The following MAP3K15 variants were observed in gnomAD, a reference collection of about 807,000 sequenced individuals.
MAP3K15 encodes the protein MAPK/ERK kinase kinase 15.
A neutral mutation model predicts 99.5 loss-of-function variants in MAP3K15; 124 were observed. The observed-to-expected ratio is 1.25, with a 90% CI of 1.08 to 1.45. The LOEUF (loss-of-function observed/expected upper bound fraction) is 1.45. MAP3K15 is among the 40% of genes most tolerant of loss of function. The pLI, the probability that MAP3K15 is intolerant of heterozygous loss-of-function variation, is 0.00. For missense variants in MAP3K15, 1,242 were observed against 1,079.7 expected, an observed-to-expected ratio of 1.15 and a Z score of -2.11; for synonymous variants, 494 against 439.6, an observed-to-expected ratio of 1.12 and a Z score of -1.55.
chrX:19,464,455 G>A (rs1216635009), intron 3 of MAP3K15, 49 bp from the exon 4 acceptor site: 2 of 1,037,274 alleles, frequency 1.9e-6, no homozygotes, highest in African/African-American at 3.6e-5. Context: ...ATGTGGAAGT[G>A]TAGGCTCTGG....
chrX:19,392,314 C>T, intron 17 of MAP3K15, 29 bp downstream of exon 17: 8 of 1,195,239 alleles, frequency 6.7e-6, no homozygotes, highest in Non-Finnish European at 9.0e-6. Context: ...CGAGCAAAGG[C>T]AACCTCGTCA....
chrX:19,415,743 G>C (rs1366817543), intron 9 of MAP3K15, among the ~76,000 whole-genome samples: 2 of 110,749 alleles, frequency 1.8e-5, no homozygotes, highest in African/African-American at 6.6e-5. Flanking sequence ...GAAAAAGCTA[G>C]GTATGCCATG....
rs780257260 is a variant in MAP3K15 at position 19,364,809 on chromosome X, C to T, written c.3567-1959G>A. ...TTGGGAGGCTGAGGCAGGAGAATCG[C>T]TTTAACCTGGGAGGCAGAGGTTGCG... On this transcript the variant is annotated intron_variant, in intron 25 of 28. Coordinates refer to ENST00000338883, the MANE Select transcript of MAP3K15 (RefSeq NM_001001671.4). Among the ~76,000 whole-genome samples, 4 of 106,230 alleles carry T rather than the reference C, an allele frequency of 3.8e-5. No individual in the cohort carries two copies. The South Asian group carries it at 1.7e-3, about 45-fold the overall frequency. 92.2% of individuals were successfully genotyped at this position (106,230 alleles called of 115,157 possible). A position where few individuals can be genotyped will look rare whatever the true frequency, so the allele number is the denominator to read the frequency against.
chrX:19,388,424 G>T (rs755384082), intron 18 of MAP3K15, among the ~76,000 whole-genome samples: 25 of 112,223 alleles, frequency 2.2e-4, no homozygotes, highest in Non-Finnish European at 4.5e-4. Flanking sequence ...TACACCCTTT[G>T]AGTCCAATGG....
chrX:19,386,285 G>A (rs1212594437), intron 18 of MAP3K15, among the ~76,000 whole-genome samples: 4 of 111,053 alleles, frequency 3.6e-5, no homozygotes, highest in East Asian at 2.8e-4. Context: ...GTGAAACCCC[G>A]TCTCTACTAA....
intron 10 of MAP3K15, chrX:19,414,201 AG>A (rs1417791513): frequency 1.8e-5 from 2 of 109,225 alleles, no homozygotes; most frequent in Non-Finnish European, 3.8e-5. Context: ...TGAGATGAGG[AG>A]GGAGAGAGGG....
intron 1 of MAP3K15, among the ~76,000 whole-genome samples, chrX:19,494,517 T>C (rs1478368496): frequency 1.8e-5 from 2 of 111,899 alleles, no homozygotes; most frequent in Non-Finnish European, 3.8e-5. Flanking sequence ...TTGAACACTA[T>C]CTTGAATACT....
intron 12 of MAP3K15, among the ~76,000 whole-genome samples, chrX:19,409,260 A>T (rs992799731): frequency 9.0e-6 from 1 of 111,570 alleles, no homozygotes; most frequent in African/African-American, 3.3e-5. Flanking sequence ...ATTTGAAGAA[A>T]ATAGGGAAGA....
Position 19,380,117 on chromosome X carries a change from T to C in MAP3K15, c.2589+3A>G, listed in dbSNP as rs1255201281. On this transcript the variant is annotated splice_donor_region_variant and intron_variant, in intron 19 of 28. Coordinates refer to ENST00000338883, the MANE Select transcript of MAP3K15 (RefSeq NM_001001671.4). ...CCAACCTCAATCACGAAGCATGACT[T>C]ACTTTGAACATGGCTGCCTGCGGCT... 8.5e-7 allele frequency: 1 copy of C among 1,178,146 alleles called. No individual in the cohort carries two copies. Among genetic ancestry groups the C allele is most frequent in the African/African-American group, 1.8e-5 (1 of 55,803 alleles).
chrX:19,400,575 C>T lies in MAP3K15; in HGVS notation c.1932+1G>A. On this transcript the variant is annotated splice_donor_variant, in intron 14 of 28. Transcript: ENST00000338883. LOFTEE classifies it high-confidence loss of function. ...CATATTCTAGATCGTCCATGACTCA[C>T]CTCCAAGGTGTCTCCATCGGTCTCT... 1 of 1,188,041 alleles carries T rather than the reference C, an allele frequency of 8.4e-7. No individual in the cohort carries two copies.
At chrX:19,512,470 G>A (rs1341140894) in intron 1 of MAP3K15, among the ~76,000 whole-genome samples, 1 of 110,942 alleles carries the variant, frequency 9.0e-6, no homozygotes, top group Non-Finnish European at 1.9e-5. Context: ...TGCCTACGGA[G>A]CATGCATTTA....
chrX:19,385,822 G>C (rs1431222361), intron 18 of MAP3K15, among the ~76,000 whole-genome samples: 1 of 110,998 alleles, frequency 9.0e-6, no homozygotes, highest in African/African-American at 3.3e-5. Context: ...GAAAAAAAAA[G>C]CTGCCTGAAT....
chrX:19,479,988 A>T, intron 3 of MAP3K15, among the ~76,000 whole-genome samples: 1 of 112,504 alleles, frequency 8.9e-6, no homozygotes, highest in East Asian at 2.8e-4. Flanking sequence ...GTGTTTTTTT[A>T]AAGTCAACCT....
In MAP3K15 at chrX:19,453,371, G is replaced by A. The variant is rs184217855; in HGVS notation, c.995+3542C>T. On this transcript the variant is annotated intron_variant, in intron 6 of 28. Coordinates refer to ENST00000338883, the MANE Select transcript of MAP3K15 (RefSeq NM_001001671.4). ...AAATATTAGCCAGGCGTGGTGATGCGCACCTGTAATCCCAGCTACTCAGGG... is the reference window on the plus strand; with the variant it reads ...AAATATTAGCCAGGCGTGGTGATGCACACCTGTAATCCCAGCTACTCAGGG... Among the ~76,000 whole-genome samples, 186 of 109,205 alleles carry A rather than the reference G, an allele frequency of 1.7e-3. 2 individuals are homozygous for A. Among genetic ancestry groups the A allele is most frequent in the African/African-American group, 4.9e-3 (147 of 29,978 alleles). 94.8% of individuals were successfully genotyped at this position (109,205 alleles called of 115,157 possible).
intron 3 of MAP3K15, among the ~76,000 whole-genome samples, chrX:19,484,533 G>A (rs999951570): frequency 8.9e-6 from 1 of 111,802 alleles, no homozygotes; most frequent in African/African-American, 3.3e-5. Context: ...AGAATGTTAA[G>A]GAATTCCTGG....
At chrX:19,489,002 G>C in intron 1 of MAP3K15, 35 bp from the exon 2 acceptor site, 2 of 1,176,088 alleles carry the variant, frequency 1.7e-6, no homozygotes, top group Non-Finnish European at 2.3e-6. Flanking sequence ...GATTAGGGGA[G>C]ATGATCTGTC....
intron 3 of MAP3K15, among the ~76,000 whole-genome samples, chrX:19,483,669 G>A (rs1465222190): frequency 9.0e-6 from 1 of 110,817 alleles, no homozygotes; most frequent in African/African-American, 3.3e-5. Flanking sequence ...GTATGATCCA[G>A]GTGTCTGATT....
intron 6 of MAP3K15, among the ~76,000 whole-genome samples, chrX:19,433,752 A>G (rs2063901376): frequency 1.8e-5 from 2 of 111,936 alleles, no homozygotes. Context: ...CAAAAACAAA[A>G]CAGGTACCCA....
intron 1 of MAP3K15, among the ~76,000 whole-genome samples, chrX:19,490,819 C>T (rs1271501118): frequency 9.1e-6 from 1 of 109,506 alleles, no homozygotes; most frequent in Non-Finnish European, 1.9e-5. Flanking sequence ...CTATTCAAAA[C>T]AGAGGAGCAA....
Sources: allele counts gnomAD v4.1 joint callset (sites outside exome capture counted in the v4.1 genomes callset), GRCh38; gene constraint gnomAD v4.1.1; transcripts MANE v1.5; gene names NCBI Gene and HGNC (gene_info 2026-07-23, HGNC 2026-07-21).